UBE4B: variants seen among roughly 807,000 people sequenced by gnomAD.
UBE4B encodes ubiquitin conjugation factor E4 B.
Under a neutral mutation model 148.1 loss-of-function variants are expected in UBE4B, and 27 were observed. That is an observed-to-expected ratio of 0.18 (90% confidence interval 0.13 to 0.25). The LOEUF (loss-of-function observed/expected upper bound fraction) is 0.25, where lower values mean the gene tolerates loss of function less well. Ranked by LOEUF, UBE4B falls within the 10% of genes least tolerant of loss-of-function variation. UBE4B has a pLI of 1.00. For missense variants in UBE4B, 1,170 were observed against 1,662.4 expected (o/e 0.70, Z 5.15); for synonymous variants, 596 against 619.3 (o/e 0.96, Z 0.56).
rs761335727 is a variant in UBE4B, at chr1:10,072,148, C to G, written c.145C>G (p.Pro49Ala). The G allele has an allele frequency of 6.2e-7, 1 of 1,613,840 alleles. No homozygotes were observed. The highest frequency in any genetic ancestry group is 1.3e-5 in the African/African-American group (1 of 74,916). The change falls in exon 2 of 28, where the codon CCC becomes GCC. Residue 49 changes from proline to alanine, a missense_variant. Coordinates refer to ENST00000343090, the MANE Select transcript of UBE4B (RefSeq NM_001105562.3). Reference protein sequence around the residue: ...GPPIAASAPGPSQSLGLNVHN... With the variant: ...GPPIAASAPGASQSLGLNVHN... The stretch of plus-strand genomic sequence containing the variant: ...TCCCATAGCGGCATCAGCCCCAGGA[C>G]CCTCTCAGAGTCTTGGTCTCAATGT...
At chr1:10,162,810 G>C (rs1253615406) in intron 23 of UBE4B, among the ~76,000 whole-genome samples, 20 of 151,906 alleles carry the variant, frequency 1.3e-4, no homozygotes, top group Admixed American at 1.3e-3. Flanking sequence ...AGTCCCCAGT[G>C]TCTGTTATTC....
At chr1:10,128,818 T>C (rs746642059) in intron 11 of UBE4B, 2 of 152,452 alleles carry the variant, frequency 1.3e-5, no homozygotes, top group Non-Finnish European at 2.9e-5. Context: ...ATTATGTTTA[T>C]GTCCCTAAAA....
chr1:10,043,617 A>G (rs1643857615), intron 1 of UBE4B, among the ~76,000 whole-genome samples: 1 of 150,814 alleles, frequency 6.6e-6, no homozygotes, highest in Non-Finnish European at 1.5e-5. Context: ...TTTAGTAGAG[A>G]CGGGGTTTCA....
rs141788988 is a variant in UBE4B at position 10,163,607 on chromosome 1, G to A, written c.3198+2321G>A. Among the ~76,000 whole-genome samples, 1,109 of 151,968 alleles carry A rather than the reference G, an allele frequency of 7.3e-3. 6 individuals carry two copies. Among genetic ancestry groups the A allele is most frequent in the South Asian group, 0.031 (150 of 4,802 alleles). On this transcript the variant is annotated intron_variant, in intron 23 of 27. Coordinates refer to ENST00000343090, the MANE Select transcript of UBE4B (RefSeq NM_001105562.3). ...TGCTTGAACCCGGGAGGCGGAGGTT[G>A]CAGTGAGCCAAGATCGCACCACTGC...
intron 21 of UBE4B, 113 bp downstream of exon 21, chr1:10,151,674 G>A: frequency 1.1e-6 from 1 of 899,048 alleles, no homozygotes; most frequent in Non-Finnish European, 1.7e-6. Context: ...CTACCTGTGT[G>A]TATAGCCTAC....
intron 21 of UBE4B, among the ~76,000 whole-genome samples, chr1:10,157,239 T>C (rs1213511452): frequency 1.3e-5 from 2 of 152,098 alleles, no homozygotes; most frequent in Non-Finnish European, 2.9e-5. Context: ...CAGGCTGGTC[T>C]CGAACTCCTG....
At chr1:10,162,003 T>TC (rs1163304579) in intron 23 of UBE4B, among the ~76,000 whole-genome samples, 1 of 151,018 alleles carries the variant, frequency 6.6e-6, no homozygotes. Flanking sequence ...CTTTTTCTTT[T>TC]TTTTTTTTTT....
chr1:10,130,799 T>G lies in UBE4B; in HGVS notation c.1897T>G (p.Leu633Val). 1 of 1,614,154 alleles carries G rather than the reference T, an allele frequency of 6.2e-7. No individual in the cohort carries two copies. The highest frequency in any genetic ancestry group is 8.5e-7 in the Non-Finnish European group (1 of 1,179,982). The stretch of plus-strand genomic sequence containing the variant: ...GGTTAGCCAATCATTGCAGCATTAC[T>G]TAGAGCTCGGAAGGGTAAGTGTTCA... ...RVVSQSLQHY[L>V]ELGRQELFKI... The change falls in exon 14 of 28, where the codon TTA becomes GTA. Residue 633 changes from leucine (L) to valine (V), a missense_variant. Physicochemically the swap from Leu to Val is conservative, Grantham distance 32. Around this residue, in one of 6 missense-constraint regions of UBE4B, gnomAD observed 388 missense variants for 536.0 expected, o/e 0.72. Coordinates refer to ENST00000343090, the MANE Select transcript of UBE4B (RefSeq NM_001105562.3).
At chr1:10,062,564 T>TG (rs57037935) in intron 1 of UBE4B, among the ~76,000 whole-genome samples, 152,356 of 152,358 alleles carry the variant, frequency 1, 76,177 homozygotes, top group Middle Eastern at 1. Context: ...CTGCCCACCT[T>TG]GGCTCCCAAA....
In UBE4B at chr1:10,107,580, T is replaced by C. The variant is rs558351408; in HGVS notation, c.1196+997T>C. 6.8e-3 allele frequency among the ~76,000 whole-genome samples: 1,011 copies of C among 148,154 alleles called. 10 individuals carry two copies. Among genetic ancestry groups the C allele is most frequent in the African/African-American group, 0.022 (874 of 40,268 alleles). On this transcript the variant is annotated intron_variant, in intron 7 of 27. Transcript: ENST00000343090. ...TCTTTTTTTCTTTCTTTCTTTCTTT[T>C]TTTTTTTTTTTTTTGAGGCAGAGTT...
chr1:10,097,513 T>C (rs1411059426), intron 3 of UBE4B, among the ~76,000 whole-genome samples: 2 of 151,978 alleles, frequency 1.3e-5, no homozygotes, highest in Admixed American at 6.6e-5. Flanking sequence ...TTGAAAGATA[T>C]TATTTTAAAA....
chr1:10,159,950 G>A (rs1237203856), intron 22 of UBE4B, among the ~76,000 whole-genome samples: 1 of 152,236 alleles, frequency 6.6e-6, no homozygotes, highest in Non-Finnish European at 1.5e-5. Flanking sequence ...GGTCTGAATG[G>A]TGCTGATTGG....
At chr1:10,112,115 C>T (rs1167559479) in intron 7 of UBE4B, among the ~76,000 whole-genome samples, 1 of 152,262 alleles carries the variant, frequency 6.6e-6, no homozygotes, top group South Asian at 2.1e-4. Flanking sequence ...ATCGGATGCA[C>T]GTGTAATCCC....
chr1:10,175,377 TG>T (rs1557619571), intron 25 of UBE4B, among the ~76,000 whole-genome samples: 16 of 151,374 alleles, frequency 1.1e-4, no homozygotes, highest in Admixed American at 2.6e-4. Context: ...AATAGCCGGG[TG>T]CAGTGGCTCA....
At chr1:10,176,476 G>A (rs1037828105) in intron 25 of UBE4B, among the ~76,000 whole-genome samples, 2 of 152,044 alleles carry the variant, frequency 1.3e-5, no homozygotes, top group African/African-American at 4.8e-5. Flanking sequence ...TAAGGTTTAA[G>A]TTTCCATTCT....
chr1:10,124,587 T>C (rs1645462443), intron 10 of UBE4B, among the ~76,000 whole-genome samples: 1 of 152,198 alleles, frequency 6.6e-6, no homozygotes, highest in African/African-American at 2.4e-5. Flanking sequence ...GTGTTTTATC[T>C]AGAGAGGAAT....
At chr1:10,114,948 G>A (rs1011078792) in intron 7 of UBE4B, among the ~76,000 whole-genome samples, 6 of 152,126 alleles carry the variant, frequency 3.9e-5, no homozygotes, top group African/African-American at 1.4e-4. Flanking sequence ...ACTCTGGCGA[G>A]GGCTTTGTAG....
At chr1:10,142,782 C>T (rs1020055698) in intron 17 of UBE4B, among the ~76,000 whole-genome samples, 18 of 152,082 alleles carry the variant, frequency 1.2e-4, no homozygotes, top group East Asian at 7.7e-4. Flanking sequence ...CACCCCCCAC[C>T]CCACCCCACC....
intron 1 of UBE4B, among the ~76,000 whole-genome samples, chr1:10,057,534 A>G (rs568801731): frequency 6.7e-6 from 1 of 149,340 alleles, no homozygotes; most frequent in African/African-American, 2.5e-5. Context: ...CTCCTGCCTG[A>G]GCCTCCTGAG....
Sources: gnomAD v4.1 joint callset for allele counts (sites outside exome capture counted in the v4.1 genomes callset) on GRCh38, gnomAD v4.1.1 for gene constraint, gnomAD v4.1.1 regional missense constraint, MANE v1.5 for transcripts, NCBI Gene and HGNC (gene_info 2026-07-23, HGNC 2026-07-21) for gene names.